DEDD2: variants seen among roughly 807,000 people sequenced by gnomAD.
The protein encoded by DEDD2 is death effector domain containing 2, also known as DNA-binding death effector domain-containing protein 2.
Under a neutral mutation model 28.9 loss-of-function variants are expected in DEDD2, and 18 were observed. That is an observed-to-expected ratio of 0.62 (90% CI 0.43 to 0.92). The LOEUF (loss-of-function observed/expected upper bound fraction) is 0.92, where lower values mean the gene tolerates loss of function less well. DEDD2 is among the 40% of genes least tolerant of loss of function. The probability of loss-of-function intolerance (pLI) is 0.00; values close to 1 mark genes in which losing one functional copy is unlikely to be tolerated. For missense variants in DEDD2, 411 were observed against 463.3 expected, an observed-to-expected ratio of 0.89 and a Z score of 1.04; for synonymous variants, 211 against 206.1, an observed-to-expected ratio of 1.02 and a Z score of -0.20.
chr19:42,199,593 G>A lies in DEDD2; in HGVS notation c.826C>T (p.Arg276Trp), dbSNP rs1163243041. 4 of 1,613,924 alleles carry A rather than the reference G, an allele frequency of 2.5e-6. No homozygotes were observed. Among genetic ancestry groups the A allele is most frequent in the Admixed American group, 1.7e-5 (1 of 60,000 alleles). Residue 276 changes from arginine to tryptophan, a missense_variant, in exon 5 of 5, where the codon CGG becomes TGG. Around this residue, in one of 2 missense-constraint regions of DEDD2, gnomAD observed 129 missense variants for 189.9 expected, o/e 0.68. Transcript: ENST00000596251. The surrounding 1 kb of genome is among the most constrained non-coding windows in gnomAD (Gnocchi z 7.4). ...YLSGALLQALRGVFLTEALRE... is the reference protein window; with the variant it reads ...YLSGALLQALWGVFLTEALRE... ...AGGGCCTCAGTCAGGAACACGCCCC[G>A]CAGGGCCTGCAGCAGGGCGCCACTC...
At chr19:42,205,221 G>C (rs2035484522) in intron 4 of DEDD2, among the ~76,000 whole-genome samples, 1 of 152,176 alleles carries the variant, frequency 6.6e-6, no homozygotes, top group South Asian at 2.1e-4. Flanking sequence ...AAAGAGAGAT[G>C]GTAGGGGAAA....
intron 4 of DEDD2, among the ~76,000 whole-genome samples, chr19:42,203,083 G>T (rs2035394758): frequency 6.6e-6 from 1 of 152,274 alleles, no homozygotes; most frequent in South Asian, 2.1e-4. Context: ...GGAAATTGAG[G>T]CACACAGGTT....
upstream of DEDD2, among the ~76,000 whole-genome samples, chr19:42,217,998 A>G (rs556559139): frequency 4.5e-4 from 68 of 152,322 alleles, no homozygotes; most frequent in Non-Finnish European, 7.9e-4. Flanking sequence ...GTAACTACTC[A>G]TCTCATAAAC....
At position 42,209,837 on chromosome 19, in the gene DEDD2, G is replaced by A. The variant is rs767075878; in HGVS notation, c.452C>T (p.Ser151Phe). The A allele has an allele frequency of 5.9e-6, 9 of 1,523,324 alleles. No individual in the cohort carries two copies. The South Asian group carries it at 7.4e-5, about 13-fold the overall frequency. The allele number at this position is 1,523,324 out of a possible 1,614,324, so 94.4% of individuals were successfully genotyped here. The change falls in exon 4 of 5, where the codon TCC becomes TTC. Residue 151 changes from serine (S) to phenylalanine (F), a missense_variant. This residue lies in a region of DEDD2 where 282 missense variants were observed against 273.4 expected (regional missense o/e 1.03). Transcript: ENST00000596251. ...NSQQGQWETG[S>F]PPTKRQRRSR... ...CCGCCGCTGCCGCTTGGTTGGGGGGGAGCCTGAGGGGAAAAAAATGGGGCA... is the reference window on the plus strand; with the variant it reads ...CCGCCGCTGCCGCTTGGTTGGGGGGAAGCCTGAGGGGAAAAAAATGGGGCA...
chr19:42,216,966 C>G lies in DEDD2; in HGVS notation c.42G>C (p.Glu14Asp). 1.2e-6 allele frequency: 2 copies of G among 1,600,872 alleles called. No homozygotes were observed. Among genetic ancestry groups the G allele is most frequent in the Non-Finnish European group, 1.7e-6 (2 of 1,174,278 alleles). Residue 14 changes from glutamate to aspartate, a missense_variant, in exon 2 of 5, where the codon GAG becomes GAC. Around this residue, in one of 2 missense-constraint regions of DEDD2, gnomAD observed 282 missense variants for 273.4 expected, o/e 1.03. Transcript: ENST00000596251. ...SGSTPAPCWE[E>D]DECLDYYGML... ...TCCCGTAGTAGTCCAGGCACTCATC[C>G]TCCTCCCAGCACGGGGCCGGGGTCG...
In DEDD2 at chr19:42,210,526, C is replaced by T. The variant is rs60463671; in HGVS notation, c.449-686G>A. Among the ~76,000 whole-genome samples, 1,028 of 151,926 alleles carry T rather than the reference C, an allele frequency of 6.8e-3. 14 individuals carry two copies. The highest frequency in any genetic ancestry group is 0.024 in the African/African-American group (976 of 41,474). On this transcript the variant is annotated intron_variant, in intron 3 of 4. Coordinates refer to ENST00000596251, the MANE Select transcript of DEDD2 (RefSeq NM_133328.4). Reference sequence around the variant, plus strand: ...CTCCTGCCTCAGGTTCCCAAGTAACCGGGATTACAGGTGTCTGCCACGACA... The same window carrying T: ...CTCCTGCCTCAGGTTCCCAAGTAACTGGGATTACAGGTGTCTGCCACGACA...
At position 42,216,460 on chromosome 19, in the gene DEDD2, C is replaced by T. The variant is rs551538574; in HGVS notation, c.328+220G>A. On this transcript the variant is annotated intron_variant, in intron 2 of 4. Coordinates refer to ENST00000596251, the MANE Select transcript of DEDD2 (RefSeq NM_133328.4). ...TGTGCCTGGCATGAAACAAGCCCTC[C>T]GTAAACAGTGGCCAAAATCATCATC... 1.8e-4 allele frequency among the ~76,000 whole-genome samples: 27 copies of T among 152,344 alleles called. 1 individual carries two copies. The East Asian group carries it at 3.5e-3, about 20-fold the overall frequency.
At chr19:42,218,246 C>A (rs1007472773), upstream of DEDD2, among the ~76,000 whole-genome samples, 4 of 151,474 alleles carry the variant, frequency 2.6e-5, no homozygotes, top group Non-Finnish European at 5.9e-5. Flanking sequence ...CCACCACCAC[C>A]CCCGCAGTCT....
intron 3 of DEDD2, among the ~76,000 whole-genome samples, 154 bp from the exon 4 acceptor site, chr19:42,209,994 G>A (rs2035691457): frequency 2.0e-5 from 3 of 152,078 alleles, no homozygotes; most frequent in Admixed American, 2.0e-4. Context: ...AAAAGATGAA[G>A]AGTACCATCT....
In DEDD2 at chr19:42,208,113, G is replaced by A. The variant is rs375494866; in HGVS notation, c.589+1587C>T. Among the ~76,000 whole-genome samples, 32 of 152,264 alleles carry A rather than the reference G, an allele frequency of 2.1e-4. No individual in the cohort carries two copies. In the South Asian group the frequency reaches 4.8e-3, roughly 23 times the overall value. ...TGTCTTCCCTGCAGCCTGAGAGCTC[G>A]AAGACCATATCTGATCCCTTCTGTG... On this transcript the variant is annotated intron_variant, in intron 4 of 4. Coordinates refer to ENST00000596251, the MANE Select transcript of DEDD2 (RefSeq NM_133328.4).
chr19:42,214,357 C>A (rs958279780), intron 3 of DEDD2, among the ~76,000 whole-genome samples: 1 of 152,002 alleles, frequency 6.6e-6, no homozygotes, highest in Non-Finnish European at 1.5e-5. Flanking sequence ...ACTTGGGAGG[C>A]TGAGGCAGGA....
intron 1 of DEDD2, among the ~76,000 whole-genome samples, chr19:42,217,259 C>A (rs1402077507): frequency 2.0e-5 from 3 of 152,100 alleles, no homozygotes; most frequent in Admixed American, 6.5e-5. Flanking sequence ...CTTCTGCCCC[C>A]ACCACCGTGC....
intron 3 of DEDD2, chr19:42,212,081 T>C (rs2035791401): frequency 6.8e-6 from 1 of 146,652 alleles, no homozygotes; most frequent in South Asian, 2.1e-4. Context: ...AATTAAAAAG[T>C]CTGGCTGGGA....
intron 3 of DEDD2, among the ~76,000 whole-genome samples, chr19:42,213,255 T>A (rs1029646908): frequency 6.6e-6 from 1 of 152,112 alleles, no homozygotes; most frequent in East Asian, 1.9e-4. Context: ...ATTGGGGGAA[T>A]ACCTCTTGAA....
Position 42,199,416 on chromosome 19 carries a change from G to A in DEDD2, c.*22C>T, listed in dbSNP as rs746221615. 6.4e-7 allele frequency: 1 copy of A among 1,562,336 alleles called. No individual in the cohort carries two copies. The highest frequency in any genetic ancestry group is 8.6e-7 in the Non-Finnish European group (1 of 1,159,446). ...AGGTGGCCCGGAGACTTGGAGGTGG[G>A]ATCAATCCTGCCAGTCCTGGATCAG... On this transcript the variant is annotated 3_prime_UTR_variant, in exon 5 of 5. Transcript: ENST00000596251. The surrounding 1 kb of genome is among the most constrained non-coding windows in gnomAD (Gnocchi z 7.4).
At chr19:42,216,027 G>A (rs1378515478) in intron 2 of DEDD2, among the ~76,000 whole-genome samples, 1 of 152,156 alleles carries the variant, frequency 6.6e-6, no homozygotes, top group African/African-American at 2.4e-5. Context: ...CTCTGATGAT[G>A]CCAAACTCAT....
At position 42,199,966 on chromosome 19, in the gene DEDD2, C is replaced by G. The variant is rs545454881; in HGVS notation, c.590-137G>C. 1 of 1,341,582 alleles carries G rather than the reference C, an allele frequency of 7.5e-7. No homozygotes were observed. Among genetic ancestry groups the G allele is most frequent in the Non-Finnish European group, 1.0e-6 (1 of 1,002,552 alleles). The allele number at this position is 1,341,582 out of a possible 1,614,324, so 83.1% of individuals were successfully genotyped here. A position where few individuals can be genotyped will look rare whatever the true frequency, so the allele number is the denominator to read the frequency against. On this transcript the variant is annotated intron_variant, in intron 4 of 4. Transcript: ENST00000596251. This position sits in a 1 kb window ranked among gnomAD's most constrained non-coding sequence, Gnocchi z 7.4. ...CACCCTAGTCCTGACACAGCCTCCC[C>G]GGCTCTGTGGGGTTCCCTGACCAAG...
At chr19:42,207,864 G>A (rs905678031) in intron 4 of DEDD2, among the ~76,000 whole-genome samples, 1 of 150,268 alleles carries the variant, frequency 6.7e-6, no homozygotes, top group Admixed American at 6.7e-5. Flanking sequence ...GCTCCAGACA[G>A]ACTCAGCCCT....
Position 42,199,453 on chromosome 19 carries a change from C to T in DEDD2, c.966G>A (p.Pro322=), listed in dbSNP as rs773040344. Residue 322 remains proline, a synonymous_variant, in exon 5 of 5, where the codon CCG becomes CCA. Coordinates refer to ENST00000596251, the MANE Select transcript of DEDD2 (RefSeq NM_133328.4). This position sits in a 1 kb window ranked among gnomAD's most constrained non-coding sequence, Gnocchi z 7.4. ...CAGTCCTGGATCAGGAGGCCTCTGT[C>T]GGGCGCCGCCCCCCTTCCTCCTCCA... ...LLMEEEGGRR[P]TEAS 10 of 1,605,960 alleles carry T rather than the reference C, an allele frequency of 6.2e-6. No individual in the cohort carries two copies. The highest frequency in any genetic ancestry group is 5.1e-5 in the Admixed American group (3 of 59,272).
Sources: allele counts gnomAD v4.1 joint callset (sites outside exome capture counted in the v4.1 genomes callset), GRCh38; gene constraint gnomAD v4.1.1; regional missense constraint gnomAD v4.1.1; non-coding constraint Gnocchi (gnomAD v3.1); transcripts MANE v1.5; gene names NCBI Gene and HGNC (gene_info 2026-07-23, HGNC 2026-07-21).